Variants in RABGAP1L observed in about 807,000 individuals in gnomAD.
The protein encoded by RABGAP1L is RAB GTPase activating protein 1 like.
RABGAP1L carries 63 observed loss-of-function variants against 137.7 expected under a neutral mutation model. That is an observed-to-expected ratio of 0.46 (90% confidence interval 0.37 to 0.56). The LOEUF (loss-of-function observed/expected upper bound fraction) is 0.56. RABGAP1L is among the 20% of genes least tolerant of loss of function. The probability of loss-of-function intolerance (pLI) is 0.00; values close to 1 mark genes in which losing one functional copy is unlikely to be tolerated. For missense variants in RABGAP1L, 1,095 were observed against 1,244.0 expected (o/e 0.88, Z 1.80); for synonymous variants, 431 against 433.7 (o/e 0.99, Z 0.08).
At chr1:174,664,734 CTTTTTTTTTT>C (rs71701825) in intron 14 of RABGAP1L, among the ~76,000 whole-genome samples, 23 of 97,576 alleles carry the variant, frequency 2.4e-4, no homozygotes, top group Non-Finnish European at 3.8e-4. Context: ...TTTCTGCTTT[CTTTTTTTTTT>C]TTTTTTTTTT....
At chr1:174,746,207 T>C (rs1683852229) in intron 17 of RABGAP1L, among the ~76,000 whole-genome samples, 1 of 152,230 alleles carries the variant, frequency 6.6e-6, no homozygotes, top group Non-Finnish European at 1.5e-5. Context: ...GCTTAATCCT[T>C]GGCCTACCCA....
intron 1 of RABGAP1L, among the ~76,000 whole-genome samples, chr1:174,207,476 G>A (rs1668587698): frequency 6.6e-6 from 1 of 152,156 alleles, no homozygotes; most frequent in Non-Finnish European, 1.5e-5. Context: ...TTGAAAGGAC[G>A]TTTTGGAATG....
chr1:174,615,925 G>A (rs557150151), intron 13 of RABGAP1L, among the ~76,000 whole-genome samples: 16 of 152,320 alleles, frequency 1.1e-4, no homozygotes, highest in South Asian at 8.3e-4. Context: ...TTTTAAGCCC[G>A]TTGGAAAAGT....
At chr1:174,710,304 TACAGAGAACACC>T (rs1411400666) in intron 17 of RABGAP1L, among the ~76,000 whole-genome samples, 6 of 152,012 alleles carry the variant, frequency 3.9e-5, no homozygotes, top group African/African-American at 1.5e-4. Context: ...ATTCAGGAAA[TACAGAGAACACC>T]ACAGAGATAC....
At chr1:174,643,652 G>A (rs146642443) in intron 14 of RABGAP1L, among the ~76,000 whole-genome samples, 175 of 152,030 alleles carry the variant, frequency 1.2e-3, no homozygotes, top group African/African-American at 4.1e-3. Context: ...TTTGCATGTC[G>A]TTATTTGATC....
intron 16 of RABGAP1L, among the ~76,000 whole-genome samples, chr1:174,701,761 A>G (rs988910072): frequency 3.3e-5 from 5 of 149,448 alleles, no homozygotes; most frequent in African/African-American, 1.3e-4. Context: ...AAAAAAAAAA[A>G]TTTAACCCTG....
intron 13 of RABGAP1L, among the ~76,000 whole-genome samples, chr1:174,610,383 A>G (rs551265721): frequency 1.3e-5 from 2 of 151,468 alleles, no homozygotes; most frequent in South Asian, 4.2e-4. Flanking sequence ...AAGGACATGA[A>G]CTCATCATTT....
chr1:174,909,867 T>G (rs894550505), intron 19 of RABGAP1L, among the ~76,000 whole-genome samples: 1 of 152,150 alleles, frequency 6.6e-6, no homozygotes, highest in Admixed American at 6.6e-5. Context: ...CAGCCGGGTG[T>G]GGTGGCTCAT....
chr1:174,540,107 G>C (rs1360724630), intron 13 of RABGAP1L, among the ~76,000 whole-genome samples: 1 of 152,094 alleles, frequency 6.6e-6, no homozygotes, highest in Non-Finnish European at 1.5e-5. Flanking sequence ...AGAAGTGTCT[G>C]TTCATATCCT....
intron 1 of RABGAP1L, among the ~76,000 whole-genome samples, chr1:174,199,182 T>C (rs765278491): frequency 1.3e-5 from 2 of 152,188 alleles, no homozygotes; most frequent in Non-Finnish European, 2.9e-5. Context: ...CTTAAAGTTA[T>C]GGGATATGAA....
At chr1:174,751,945 G>A (rs183982790) in intron 17 of RABGAP1L, among the ~76,000 whole-genome samples, 2 of 151,544 alleles carry the variant, frequency 1.3e-5, no homozygotes, top group South Asian at 2.1e-4. Context: ...CTGTAACACC[G>A]AGATGTCCAG....
intron 13 of RABGAP1L, among the ~76,000 whole-genome samples, chr1:174,533,050 C>T (rs1442109519): frequency 2.0e-5 from 3 of 152,118 alleles, no homozygotes; most frequent in Non-Finnish European, 4.4e-5. Context: ...CTGGCTAACA[C>T]AGTGAAACCC....
intron 18 of RABGAP1L, among the ~76,000 whole-genome samples, chr1:174,775,022 A>G (rs978803411): frequency 2.6e-5 from 4 of 152,358 alleles, no homozygotes; most frequent in East Asian, 3.9e-4. Flanking sequence ...CTCAGGTTCT[A>G]TAATGAATTT....
chr1:174,882,049 C>T (rs1433071434), intron 19 of RABGAP1L, among the ~76,000 whole-genome samples: 4 of 151,936 alleles, frequency 2.6e-5, no homozygotes, highest in Admixed American at 1.3e-4. Context: ...TTAATAGAGA[C>T]GGGGTTTCTC....
intron 11 of RABGAP1L, among the ~76,000 whole-genome samples, chr1:174,310,840 G>GTATTCTCTCATACTCA (rs1002007246): frequency 6.6e-6 from 1 of 152,040 alleles, no homozygotes; most frequent in Non-Finnish European, 1.5e-5. Flanking sequence ...CTCTTTGAGA[G>GTATTCTCTCATACTCA]TATTCTCTCA....
chr1:174,499,761 A>T (rs1223053888), intron 13 of RABGAP1L, among the ~76,000 whole-genome samples: 1 of 152,238 alleles, frequency 6.6e-6, no homozygotes, highest in Admixed American at 6.5e-5. Flanking sequence ...TAGCAATGAC[A>T]ACAGTTCTAG....
intron 12 of RABGAP1L, among the ~76,000 whole-genome samples, chr1:174,377,131 A>C (rs1685613480): frequency 6.6e-6 from 1 of 152,218 alleles, no homozygotes; most frequent in South Asian, 2.1e-4. Context: ...TGAAATATAT[A>C]GAAATCGAAC....
At chr1:174,787,213 G>A (rs1687508070) in intron 18 of RABGAP1L, among the ~76,000 whole-genome samples, 1 of 152,038 alleles carries the variant, frequency 6.6e-6, no homozygotes. Flanking sequence ...GACCAGCCTG[G>A]CCAACATGGT....
At chr1:174,791,307 A>G (rs1687843092) in intron 18 of RABGAP1L, among the ~76,000 whole-genome samples, 1 of 152,162 alleles carries the variant, frequency 6.6e-6, no homozygotes, top group Non-Finnish European at 1.5e-5. Flanking sequence ...TGAAAATATT[A>G]TTTTTTACAG....
Sources: allele counts gnomAD v4.1 joint callset (sites outside exome capture counted in the v4.1 genomes callset), GRCh38; gene constraint gnomAD v4.1.1; transcripts MANE v1.5; gene names NCBI Gene and HGNC (gene_info 2026-07-23, HGNC 2026-07-21).